CUL3: variants seen among roughly 807,000 people sequenced by gnomAD.
CUL3 encodes the protein cullin-3.
In CUL3, 19 loss-of-function variants were observed where a neutral mutation model predicts 89.1. That is an observed-to-expected ratio of 0.21 (90% CI 0.15 to 0.31). The LOEUF (loss-of-function observed/expected upper bound fraction) is 0.31. Ranked by LOEUF, CUL3 falls within the 10% of genes least tolerant of loss-of-function variation. The pLI, the probability that CUL3 is intolerant of heterozygous loss-of-function variation, is 1.00. For synonymous variants in CUL3, 351 were observed against 308.4 expected (o/e 1.14, Z -1.45); for missense variants, 469 against 942.3 (o/e 0.50, Z 6.58).
At chr2:224,528,702 C>G (rs1052088692) in intron 3 of CUL3, among the ~76,000 whole-genome samples, 1 of 152,148 alleles carries the variant, frequency 6.6e-6, no homozygotes, top group Non-Finnish European at 1.5e-5. Context: ...CACACCACTT[C>G]ATCTCTTTAC....
chr2:224,503,933 T>A, intron 8 of CUL3, 111 bp from the exon 9 acceptor site: 1 of 788,818 alleles, frequency 1.3e-6, no homozygotes, highest in Non-Finnish European at 1.9e-6. Context: ...GATATCTGGT[T>A]GACATACATC....
chr2:224,573,998 C>T (rs1396596750), intron 1 of CUL3, among the ~76,000 whole-genome samples: 2 of 152,132 alleles, frequency 1.3e-5, no homozygotes, highest in Admixed American at 6.5e-5. Flanking sequence ...TTCACCATTA[C>T]TTTGGAGAGG....
At chr2:224,494,203 C>G (rs957663436) in intron 13 of CUL3, among the ~76,000 whole-genome samples, 2 of 152,112 alleles carry the variant, frequency 1.3e-5, no homozygotes, top group Non-Finnish European at 2.9e-5. Context: ...AGAACTTGCT[C>G]TTAATTTCAA....
intron 15 of CUL3, among the ~76,000 whole-genome samples, chr2:224,476,697 C>T (rs1003876712): frequency 7.9e-5 from 12 of 152,218 alleles, no homozygotes; most frequent in African/African-American, 2.9e-4. Context: ...ACACTACCAT[C>T]ATCATACTCT....
intron 6 of CUL3, among the ~76,000 whole-genome samples, chr2:224,507,239 A>C (rs970429512): frequency 6.6e-6 from 1 of 152,180 alleles, no homozygotes; most frequent in Non-Finnish European, 1.5e-5. Flanking sequence ...GAAACCATCA[A>C]TTAAATGTCC....
At chr2:224,484,915 A>G (rs1002822835) in intron 13 of CUL3, among the ~76,000 whole-genome samples, 1 of 152,100 alleles carries the variant, frequency 6.6e-6, no homozygotes, top group Non-Finnish European at 1.5e-5. Context: ...TGATTTCTGC[A>G]TTTCCAACTG....
chr2:224,550,830 T>C (rs547929420), intron 2 of CUL3, among the ~76,000 whole-genome samples: 1 of 152,308 alleles, frequency 6.6e-6, no homozygotes, highest in East Asian at 1.9e-4. Flanking sequence ...TTATTTCAAC[T>C]CTTATGCTCT....
At chr2:224,512,530 T>C (rs954811268) in intron 5 of CUL3, among the ~76,000 whole-genome samples, 7 of 152,356 alleles carry the variant, frequency 4.6e-5, no homozygotes, top group African/African-American at 1.7e-4. Context: ...TTATGTTTAC[T>C]AGTACTCAAT....
chr2:224,577,396 G>A (rs1365656833), intron 1 of CUL3, among the ~76,000 whole-genome samples: 3 of 152,006 alleles, frequency 2.0e-5, no homozygotes, highest in African/African-American at 4.8e-5. Flanking sequence ...GTGAAACCCC[G>A]TCTCTACTAA....
intron 3 of CUL3, among the ~76,000 whole-genome samples, chr2:224,521,624 T>A (rs897117222): frequency 1.3e-5 from 2 of 151,948 alleles, no homozygotes. Flanking sequence ...AGAGTTGGGG[T>A]TTCACCATGT....
chr2:224,536,873 G>A (rs532271523), intron 2 of CUL3, among the ~76,000 whole-genome samples: 1 of 152,268 alleles, frequency 6.6e-6, no homozygotes, highest in South Asian at 2.1e-4. Flanking sequence ...TCACAAAGTC[G>A]TCGTGTGTTT....
At chr2:224,529,768 G>C (rs1574661442) in intron 3 of CUL3, among the ~76,000 whole-genome samples, 1 of 152,186 alleles carries the variant, frequency 6.6e-6, no homozygotes, top group African/African-American at 2.4e-5. Flanking sequence ...TCCATCAAGA[G>C]AGATGTAGAG....
chr2:224,582,973 T>C (rs1184972490), intron 1 of CUL3, among the ~76,000 whole-genome samples: 2 of 152,214 alleles, frequency 1.3e-5, no homozygotes, highest in Non-Finnish European at 2.9e-5. Context: ...GCCATTAACT[T>C]GAGTGAGTTG....
At chr2:224,551,631 A>T (rs889517536) in intron 2 of CUL3, among the ~76,000 whole-genome samples, 1 of 151,812 alleles carries the variant, frequency 6.6e-6, no homozygotes, top group Non-Finnish European at 1.5e-5. Flanking sequence ...GGCGTGAGCC[A>T]CTGCACTCAG....
chr2:224,528,316 C>T (rs562882265), intron 3 of CUL3, among the ~76,000 whole-genome samples: 112 of 152,252 alleles, frequency 7.4e-4, no homozygotes, highest in Middle Eastern at 6.8e-3. Context: ...CAAAGTCCAT[C>T]ACTCCAGTCT....
intron 9 of CUL3, 50 bp from the exon 10 acceptor site, chr2:224,503,122 T>C: frequency 1.8e-6 from 2 of 1,106,318 alleles, no homozygotes; most frequent in Non-Finnish European, 1.4e-6. Context: ...GATGTTTCTA[T>C]GAGAAAGTAC....
chr2:224,489,693 A>G (rs1691880311), intron 13 of CUL3, among the ~76,000 whole-genome samples: 2 of 152,192 alleles, frequency 1.3e-5, no homozygotes, highest in Admixed American at 6.5e-5. Context: ...TCAAGCTACC[A>G]TTGACTTTCT....
intron 12 of CUL3, 119 bp from the exon 13 acceptor site, chr2:224,496,085 C>T: frequency 9.1e-7 from 1 of 1,101,900 alleles, no homozygotes; most frequent in Non-Finnish European, 1.3e-6. Context: ...GGCTACAGTG[C>T]AGTGGCGCAA....
At chr2:224,479,215 T>C (rs1425208126) in intron 14 of CUL3, 2 of 152,200 alleles carry the variant, frequency 1.3e-5, no homozygotes, top group African/African-American at 4.8e-5. Flanking sequence ...TGGGCATAGA[T>C]AGCCACGAGA....
Sources: gnomAD v4.1 joint callset for allele counts (sites outside exome capture counted in the v4.1 genomes callset) on GRCh38, gnomAD v4.1.1 for gene constraint, MANE v1.5 for transcripts, NCBI Gene and HGNC (gene_info 2026-07-23, HGNC 2026-07-21) for gene names.